AKAP7: variants seen among roughly 807,000 people sequenced by gnomAD.
The protein encoded by AKAP7 is A kinase (PRKA) anchor protein 7.
AKAP7 carries 39 observed loss-of-function variants against 39.5 expected under a neutral mutation model. The observed-to-expected ratio is 0.99, with a 90% CI of 0.76 to 1.29. AKAP7 has a LOEUF of 1.29. Ranked by LOEUF, AKAP7 falls within the 50% of genes most tolerant of loss-of-function variation. The probability of loss-of-function intolerance (pLI) is 0.00; values close to 1 mark genes in which losing one functional copy is unlikely to be tolerated. For synonymous variants in AKAP7, 140 were observed against 139.1 expected (o/e 1.01, Z -0.05); for missense variants, 414 against 407.7 (o/e 1.02, Z -0.13).
intron 2 of AKAP7, among the ~76,000 whole-genome samples, chr6:131,150,267 T>A (rs1801809487): frequency 1.3e-5 from 2 of 152,320 alleles, no homozygotes; most frequent in African/African-American, 4.8e-5. Flanking sequence ...AACTGAAGAT[T>A]TTGGAGATAT....
intron 6 of AKAP7, among the ~76,000 whole-genome samples, chr6:131,218,623 A>C (rs554854741): frequency 1.1e-4 from 17 of 152,218 alleles, no homozygotes; most frequent in Non-Finnish European, 1.6e-4. Flanking sequence ...TGGGACTCTG[A>C]GGCTGAGTTG....
At chr6:131,237,592 T>C (rs1186875541) in intron 7 of AKAP7, among the ~76,000 whole-genome samples, 1 of 152,176 alleles carries the variant, frequency 6.6e-6, no homozygotes, top group African/African-American at 2.4e-5. Context: ...GAGCCTGTTA[T>C]TGGTCTATTC....
chr6:131,149,464 G>A (rs867634754), intron 2 of AKAP7, among the ~76,000 whole-genome samples: 12 of 152,086 alleles, frequency 7.9e-5, no homozygotes, highest in African/African-American at 1.2e-4. Flanking sequence ...GTGAAATCCC[G>A]TCTCTACTAA....
intron 4 of AKAP7, among the ~76,000 whole-genome samples, chr6:131,166,794 GTC>G (rs1381559354): frequency 6.6e-6 from 1 of 152,154 alleles, no homozygotes; most frequent in African/African-American, 2.4e-5. Flanking sequence ...TTTATTAAAA[GTC>G]TCTGATTTTT....
At chr6:131,184,603 C>A (rs1805631605) in intron 5 of AKAP7, 3 of 739,214 alleles carry the variant, frequency 4.1e-6, no homozygotes, top group Non-Finnish European at 7.5e-6. Context: ...CCCTGAGCAG[C>A]CACAGTCGAA....
chr6:131,151,924 C>T (rs377507699), intron 2 of AKAP7, among the ~76,000 whole-genome samples: 2 of 152,068 alleles, frequency 1.3e-5, no homozygotes, highest in African/African-American at 4.8e-5. Context: ...ACAGTGAACC[C>T]ACTATAACGG....
intron 1 of AKAP7, among the ~76,000 whole-genome samples, chr6:131,138,866 A>G (rs1197945502): frequency 6.9e-6 from 1 of 145,644 alleles, no homozygotes; most frequent in Non-Finnish European, 1.6e-5. Context: ...TGTTAGTAGT[A>G]GTAACAGACA....
chr6:131,131,044 G>T (rs1368602319), upstream of AKAP7, among the ~76,000 whole-genome samples: 4 of 152,224 alleles, frequency 2.6e-5, no homozygotes, highest in Non-Finnish European at 5.9e-5. Flanking sequence ...GCGTGAGCAG[G>T]TATATGCAAA....
At chr6:131,239,035 G>T (rs1811310945) in intron 7 of AKAP7, among the ~76,000 whole-genome samples, 2 of 152,204 alleles carry the variant, frequency 1.3e-5, no homozygotes, top group African/African-American at 4.8e-5. Flanking sequence ...TGTTTTTGCA[G>T]TGGCTGGTAC....
At chr6:131,152,846 A>AG (rs1384258625) in intron 2 of AKAP7, among the ~76,000 whole-genome samples, 1 of 121,000 alleles carries the variant, frequency 8.3e-6, no homozygotes, top group Non-Finnish European at 1.7e-5. Context: ...AAAAAAAAAA[A>AG]GTCCGGGCGC....
intron 5 of AKAP7, among the ~76,000 whole-genome samples, chr6:131,174,241 A>G (rs1585011097): frequency 6.6e-6 from 1 of 152,334 alleles, no homozygotes; most frequent in Non-Finnish European, 1.5e-5. Flanking sequence ...TTTATAAGGA[A>G]CCTAAATATT....
rs544718966 is a variant in AKAP7 at position 131,182,963 on chromosome 6, A to G, written c.589+13690A>G. On this transcript the variant is annotated intron_variant, in intron 5 of 7. Transcript: ENST00000431975. ...TCGCTTTACATATTGGAGTTCAACAAAAAAAATTTAATTTTGGGGGAAAAA... is the reference window on the plus strand; with the variant it reads ...TCGCTTTACATATTGGAGTTCAACAGAAAAAATTTAATTTTGGGGGAAAAA... Among the ~76,000 whole-genome samples the G allele has an allele frequency of 3.9e-5, 6 of 152,294 alleles. No individual in the cohort carries two copies. The South Asian group carries it at 1.2e-3, about 32-fold the overall frequency.
At chr6:131,169,734 C>T (rs1416138608) in intron 5 of AKAP7, among the ~76,000 whole-genome samples, 1 of 152,148 alleles carries the variant, frequency 6.6e-6, no homozygotes, top group East Asian at 1.9e-4. Flanking sequence ...AAAATCATAA[C>T]CTGGATGAGT....
At chr6:131,224,694 A>G (rs887709356) in intron 7 of AKAP7, among the ~76,000 whole-genome samples, 1 of 132,102 alleles carries the variant, frequency 7.6e-6, no homozygotes, top group Non-Finnish European at 1.6e-5. Context: ...ATCAGTTAGT[A>G]TATATGCTAC....
At chr6:131,139,290 A>T (rs1800829771) in intron 1 of AKAP7, among the ~76,000 whole-genome samples, 1 of 152,214 alleles carries the variant, frequency 6.6e-6, no homozygotes, top group African/African-American at 2.4e-5. Flanking sequence ...AATAATTCCT[A>T]TCTCAAAAAT....
In AKAP7 at chr6:131,260,919, C is replaced by T. The variant is rs76596182; in HGVS notation, c.851-20611C>T. Among the ~76,000 whole-genome samples, 2,447 of 151,992 alleles carry T rather than the reference C, an allele frequency of 0.016. 146 individuals carry two copies. In the East Asian group the frequency reaches 0.18, roughly 11 times the overall value. On this transcript the variant is annotated intron_variant, in intron 7 of 7. Transcript: ENST00000431975. ...CTATTAAATGAATATTTTAATGGCC[C>T]GGCACAGTGGCTCATGACTGTAATC...
intron 5 of AKAP7, among the ~76,000 whole-genome samples, chr6:131,191,040 T>C (rs1274672756): frequency 1.3e-5 from 2 of 152,248 alleles, no homozygotes; most frequent in Non-Finnish European, 2.9e-5. Flanking sequence ...ACCTTTATGC[T>C]GTTTGTTTTC....
intron 5 of AKAP7, among the ~76,000 whole-genome samples, chr6:131,193,936 A>G (rs1313771707): frequency 4.0e-5 from 6 of 151,850 alleles, no homozygotes; most frequent in Non-Finnish European, 8.8e-5. Context: ...TGGTTCTTCT[A>G]TCTTTGTTCT....
At chr6:131,197,457 C>T (rs1373408075) in intron 5 of AKAP7, among the ~76,000 whole-genome samples, 1 of 152,136 alleles carries the variant, frequency 6.6e-6, no homozygotes, top group Non-Finnish European at 1.5e-5. Flanking sequence ...TATATTTTCT[C>T]TAACTCCATC....
Sources: allele counts gnomAD v4.1 joint callset (sites outside exome capture counted in the v4.1 genomes callset), GRCh38; gene constraint gnomAD v4.1.1; transcripts MANE v1.5; gene names NCBI Gene and HGNC (gene_info 2026-07-23, HGNC 2026-07-21).